BORCS5: variants seen among roughly 807,000 people sequenced by gnomAD.
The protein encoded by BORCS5 is BLOC-1 related complex subunit 5, also known as BLOC-1-related complex subunit 5.
A neutral mutation model predicts 22.1 loss-of-function variants in BORCS5; 17 were observed. That is an observed-to-expected ratio of 0.77 (90% CI 0.53 to 1.15). The LOEUF (loss-of-function observed/expected upper bound fraction) is 1.15. BORCS5 is among the 50% of genes most tolerant of loss of function. The pLI is 0.00. For missense variants in BORCS5, 247 were observed against 253.2 expected (o/e 0.98, Z 0.17); for synonymous variants, 117 against 99.8 (o/e 1.17, Z -1.03).
rs1943242544 is a variant in BORCS5, at chr12:12,468,892, G to A, written c.*3116G>A. The A allele has an allele frequency of 6.6e-6, 1 of 151,996 alleles. No homozygotes were observed. The highest frequency in any genetic ancestry group is 1.5e-5 in the Non-Finnish European group (1 of 68,012). The allele number at this position is 151,996 out of a possible 1,614,324, so 9.4% of individuals were successfully genotyped here. ...TTTATTCTTAGTAACGCTATATATG[G>A]TTTTATAGACCACACATATATAGTT... On this transcript the variant is annotated 3_prime_UTR_variant, in exon 4 of 4. Transcript: ENST00000314565.
intron 2 of BORCS5, among the ~76,000 whole-genome samples, chr12:12,382,077 C>CAT (rs1863785983): frequency 6.6e-6 from 1 of 151,258 alleles, no homozygotes; most frequent in Admixed American, 6.6e-5. Flanking sequence ...TTAATAGAGC[C>CAT]ATTTGTGTTA....
chr12:12,421,342 T>C lies in BORCS5; in HGVS notation c.203-14286T>C, dbSNP rs559835564. Among the ~76,000 whole-genome samples the C allele has an allele frequency of 2.0e-5, 3 of 152,336 alleles. No homozygotes were observed. The East Asian group carries it at 5.8e-4, about 29-fold the overall frequency. On this transcript the variant is annotated intron_variant, in intron 2 of 3. Transcript: ENST00000314565. ...TTTGTGGTCGGTTCTGTTTATGTGA[T>C]GGATTACGTTTATTGATTTGTGTAT... is the stretch of plus-strand genomic sequence containing the variant.
intron 3 of BORCS5, among the ~76,000 whole-genome samples, chr12:12,461,595 A>G (rs896842552): frequency 6.6e-6 from 1 of 152,204 alleles, no homozygotes; most frequent in African/African-American, 2.4e-5. Context: ...TTACACATAA[A>G]CATCCTCATG....
intron 1 of BORCS5, 88 bp from the exon 2 acceptor site, chr12:12,361,118 A>G: frequency 7.6e-7 from 1 of 1,311,540 alleles, no homozygotes; most frequent in Non-Finnish European, 1.1e-6. Flanking sequence ...TTATAAAATT[A>G]TTCTTTTTAA....
rs61913549 is a variant in BORCS5 at position 12,470,006 on chromosome 12, G to C, written c.*4230G>C. Among the ~76,000 whole-genome samples the C allele has an allele frequency of 0.12, 18,425 of 152,164 alleles. 1,242 individuals carry two copies. Among genetic ancestry groups the C allele is most frequent in the African/African-American group, 0.14 (5,856 of 41,496 alleles). On this transcript the variant is annotated 3_prime_UTR_variant, in exon 4 of 4. Coordinates refer to ENST00000314565, the MANE Select transcript of BORCS5 (RefSeq NM_058169.6). Reference sequence around the variant, plus strand: ...GGCCACAGACTGGTACCCATCTGTGGCGTGTGAGGAAGTGTGCTGCACAGC... The same window carrying C: ...GGCCACAGACTGGTACCCATCTGTGCCGTGTGAGGAAGTGTGCTGCACAGC...
At chr12:12,399,278 A>G (rs554098407) in intron 2 of BORCS5, among the ~76,000 whole-genome samples, 1 of 152,166 alleles carries the variant, frequency 6.6e-6, no homozygotes, top group African/African-American at 2.4e-5. Context: ...ATTGGGGGAA[A>G]AAGTTTGGAA....
chr12:12,412,552 A>AT (rs1202143299), intron 2 of BORCS5, among the ~76,000 whole-genome samples: 2 of 152,228 alleles, frequency 1.3e-5, no homozygotes, highest in Non-Finnish European at 2.9e-5. Flanking sequence ...ATATGAGATC[A>AT]TATCATCCGT....
intron 3 of BORCS5, among the ~76,000 whole-genome samples, chr12:12,439,061 G>A (rs953121903): frequency 2.6e-5 from 4 of 152,138 alleles, no homozygotes; most frequent in South Asian, 2.1e-4. Flanking sequence ...GTAATTCCAC[G>A]AATGAATGAC....
At chr12:12,388,542 G>A (rs1260623537) in intron 2 of BORCS5, among the ~76,000 whole-genome samples, 2 of 151,410 alleles carry the variant, frequency 1.3e-5, no homozygotes, top group African/African-American at 4.9e-5. Context: ...TCTTCCAGCA[G>A]TAGTAGATAA....
chr12:12,429,823 C>G (rs1490202111), intron 2 of BORCS5, among the ~76,000 whole-genome samples: 1 of 152,186 alleles, frequency 6.6e-6, no homozygotes, highest in African/African-American at 2.4e-5. Flanking sequence ...CCACTTCATT[C>G]TGCGATTCAG....
chr12:12,435,981 T>A (rs922325521), intron 3 of BORCS5, 196 bp downstream of exon 3: 2 of 509,748 alleles, frequency 3.9e-6, no homozygotes, highest in African/African-American at 2.0e-5. Context: ...CACCACTGAT[T>A]TGCTTGGCCA....
chr12:12,437,174 A>G (rs1415307031), intron 3 of BORCS5, among the ~76,000 whole-genome samples: 1 of 152,208 alleles, frequency 6.6e-6, no homozygotes, highest in African/African-American at 2.4e-5. Context: ...TAATTGAGTC[A>G]TGGGGGCAGG....
At chr12:12,423,803 C>G (rs1942206093) in intron 2 of BORCS5, among the ~76,000 whole-genome samples, 1 of 152,118 alleles carries the variant, frequency 6.6e-6, no homozygotes, top group African/African-American at 2.4e-5. Context: ...ATCCTCCTGC[C>G]TTAGCCTCCC....
At chr12:12,403,217 C>A (rs183763137) in intron 2 of BORCS5, among the ~76,000 whole-genome samples, 35 of 152,276 alleles carry the variant, frequency 2.3e-4, no homozygotes, top group African/African-American at 6.5e-4. Flanking sequence ...AAGGGCAGAG[C>A]TAGGATTTAA....
intron 2 of BORCS5, among the ~76,000 whole-genome samples, chr12:12,409,220 T>A (rs1941660607): frequency 6.6e-6 from 1 of 151,976 alleles, no homozygotes; most frequent in African/African-American, 2.4e-5. Flanking sequence ...TTATTTATTT[T>A]TTATTTTATT....
rs540641800 is a variant in BORCS5, at chr12:12,410,705, C to T, written c.203-24923C>T. Among the ~76,000 whole-genome samples, 120 of 152,108 alleles carry T rather than the reference C, an allele frequency of 7.9e-4. 2 individuals carry two copies. Among genetic ancestry groups the T allele is most frequent in the Middle Eastern group, 6.8e-3 (2 of 294 alleles). Reference sequence around the variant, plus strand: ...TTTTGGCTTAGGATTGACTTGGCAACACGGGCTCTTTTTTGGTTCCATATG... The same window carrying T: ...TTTTGGCTTAGGATTGACTTGGCAATACGGGCTCTTTTTTGGTTCCATATG... On this transcript the variant is annotated intron_variant, in intron 2 of 3. Coordinates refer to ENST00000314565, the MANE Select transcript of BORCS5 (RefSeq NM_058169.6).
intron 2 of BORCS5, among the ~76,000 whole-genome samples, chr12:12,402,855 A>G (rs768660254): frequency 2.0e-4 from 31 of 152,206 alleles, no homozygotes; most frequent in Non-Finnish European, 3.5e-4. Flanking sequence ...CTTCTAAGGT[A>G]TAATTTAGCT....
At chr12:12,456,084 C>T (rs931546793) in intron 3 of BORCS5, among the ~76,000 whole-genome samples, 1 of 152,064 alleles carries the variant, frequency 6.6e-6, no homozygotes, top group Non-Finnish European at 1.5e-5. Flanking sequence ...TAAAATAAGC[C>T]CTTGTAGTAT....
chr12:12,437,881 G>A (rs901276013), intron 3 of BORCS5, among the ~76,000 whole-genome samples: 3 of 152,104 alleles, frequency 2.0e-5, no homozygotes, highest in Non-Finnish European at 4.4e-5. Flanking sequence ...TCCAACCTCA[G>A]CTTCCTGAGT....
Sources: gnomAD v4.1 joint callset for allele counts (sites outside exome capture counted in the v4.1 genomes callset) on GRCh38, gnomAD v4.1.1 for gene constraint, MANE v1.5 for transcripts, NCBI Gene and HGNC (gene_info 2026-07-23, HGNC 2026-07-21) for gene names.